Variants in KCNQ5 observed in about 807,000 individuals in gnomAD.
The protein encoded by KCNQ5 is potassium voltage-gated channel subfamily Q member 5, also known as potassium voltage-gated channel subfamily KQT member 5.
In KCNQ5, 30 loss-of-function variants were observed where a neutral mutation model predicts 98.2. The ratio of observed to expected loss-of-function variants is 0.31; its 90% confidence interval spans 0.23 to 0.41. The LOEUF is 0.41. Among genes scored for constraint, KCNQ5 ranks in the 10% least tolerant of loss-of-function variants. KCNQ5 has a pLI of 1.00. For synonymous variants in KCNQ5, 458 were observed against 449.4 expected (o/e 1.02, Z -0.24); for missense variants, 835 against 1,182.5 (o/e 0.71, Z 4.31).
At chr6:73,079,873 A>G (rs1313709311) in intron 5 of KCNQ5, among the ~76,000 whole-genome samples, 1 of 152,244 alleles carries the variant, frequency 6.6e-6, no homozygotes. Flanking sequence ...AGCAAGGGGA[A>G]GACAGTTTAT....
chr6:73,120,424 T>C, intron 7 of KCNQ5, 59 bp from the exon 8 acceptor site: 1 of 1,235,796 alleles, frequency 8.1e-7, no homozygotes, highest in South Asian at 1.3e-5. Flanking sequence ...CTCTTTTTAT[T>C]TTATTCTAAA....
intron 1 of KCNQ5, among the ~76,000 whole-genome samples, chr6:72,929,263 T>A (rs1274575662): frequency 6.6e-6 from 1 of 152,076 alleles, no homozygotes; most frequent in Admixed American, 6.6e-5. Flanking sequence ...GCCATGTTGA[T>A]GTGGATGAAG....
chr6:72,751,483 G>A (rs1361501815), intron 1 of KCNQ5, among the ~76,000 whole-genome samples: 3 of 151,900 alleles, frequency 2.0e-5, no homozygotes, highest in Non-Finnish European at 4.4e-5. Context: ...TTATTAAAAA[G>A]GAGAAATGTA....
chr6:72,777,538 A>G (rs1773220868), intron 1 of KCNQ5, among the ~76,000 whole-genome samples: 1 of 152,106 alleles, frequency 6.6e-6, no homozygotes. Flanking sequence ...ACGTTTACAC[A>G]TTTTTCCACC....
chr6:73,134,751 A>G (rs117158093), intron 10 of KCNQ5: 1,607 of 152,506 alleles, frequency 0.011, 15 homozygotes, highest in Non-Finnish European at 0.014. Flanking sequence ...CAGGTCCCAT[A>G]TGGGCGCAAG....
At chr6:72,825,138 A>AAAC (rs935105930) in intron 1 of KCNQ5, among the ~76,000 whole-genome samples, 2 of 152,006 alleles carry the variant, frequency 1.3e-5, no homozygotes, top group African/African-American at 4.8e-5. Context: ...AAACAAAACA[A>AAAC]AACAACAACA....
At chr6:72,766,280 G>T (rs879437947) in intron 1 of KCNQ5, among the ~76,000 whole-genome samples, 14 of 152,082 alleles carry the variant, frequency 9.2e-5, no homozygotes, top group Admixed American at 4.6e-4. Context: ...GAGACAAATG[G>T]CAAGAGTTTA....
chr6:72,764,844 C>A (rs1331306361), intron 1 of KCNQ5, among the ~76,000 whole-genome samples: 1 of 151,864 alleles, frequency 6.6e-6, no homozygotes, highest in Non-Finnish European at 1.5e-5. Flanking sequence ...ATTTTTAGAT[C>A]CCAAACAAGT....
In KCNQ5 at chr6:72,765,431, G is replaced by A. The variant is rs375299559; in HGVS notation, c.398+142844G>A. 1.9e-4 allele frequency among the ~76,000 whole-genome samples: 29 copies of A among 152,134 alleles called. No homozygotes were observed. The East Asian group carries it at 4.6e-3, about 24-fold the overall frequency. On this transcript the variant is annotated intron_variant, in intron 1 of 13. Coordinates refer to ENST00000370398, the MANE Select transcript of KCNQ5 (RefSeq NM_019842.4). The stretch of plus-strand genomic sequence containing the variant: ...AGAGCAATGAGTCAAAATGACCAAC[G>A]TCTACTTTACACTGGGTGGTCAGGA...
chr6:72,926,255 T>G (rs542960833), intron 1 of KCNQ5, among the ~76,000 whole-genome samples: 39 of 152,262 alleles, frequency 2.6e-4, no homozygotes, highest in African/African-American at 7.2e-4. Context: ...AAAACTGACT[T>G]TAAAAGGTTA....
At chr6:73,112,939 T>C (rs905794785) in intron 7 of KCNQ5, among the ~76,000 whole-genome samples, 1 of 146,978 alleles carries the variant, frequency 6.8e-6, no homozygotes, top group Non-Finnish European at 1.5e-5. Flanking sequence ...TGAGAATCTC[T>C]ATTTTTTTAC....
At chr6:73,162,894 G>A (rs947275173) in intron 10 of KCNQ5, among the ~76,000 whole-genome samples, 1 of 152,062 alleles carries the variant, frequency 6.6e-6, no homozygotes, top group African/African-American at 2.4e-5. Context: ...GAAGTTCATT[G>A]ACGTGTCTAA....
chr6:72,892,622 A>G (rs1047174653), intron 1 of KCNQ5, among the ~76,000 whole-genome samples: 2 of 152,136 alleles, frequency 1.3e-5, no homozygotes, highest in Admixed American at 1.3e-4. Flanking sequence ...AACAGGAAAC[A>G]AAGCTCCTTC....
At chr6:72,640,267 C>T (rs1266313071) in intron 1 of KCNQ5, among the ~76,000 whole-genome samples, 6 of 151,552 alleles carry the variant, frequency 4.0e-5, no homozygotes, top group Admixed American at 2.6e-4. Flanking sequence ...CCCCTCCAAG[C>T]ACCAACCATC....
At chr6:73,066,659 T>C (rs1362432812) in intron 3 of KCNQ5, among the ~76,000 whole-genome samples, 1 of 152,168 alleles carries the variant, frequency 6.6e-6, no homozygotes, top group Non-Finnish European at 1.5e-5. Flanking sequence ...AAAGGATCCT[T>C]GAGACTTGCC....
At chr6:72,737,782 T>A (rs915975309) in intron 1 of KCNQ5, among the ~76,000 whole-genome samples, 6 of 152,166 alleles carry the variant, frequency 3.9e-5, no homozygotes, top group African/African-American at 1.4e-4. Context: ...ATGAAACTTG[T>A]CTCAGTTTTA....
intron 1 of KCNQ5, among the ~76,000 whole-genome samples, chr6:72,751,889 G>C (rs1473423591): frequency 6.6e-6 from 1 of 152,118 alleles, no homozygotes. Context: ...CTGTAAGTAA[G>C]TGATTTTTAA....
intron 1 of KCNQ5, among the ~76,000 whole-genome samples, chr6:72,751,673 T>C (rs1011864021): frequency 3.3e-5 from 5 of 152,044 alleles, no homozygotes; most frequent in African/African-American, 9.7e-5. Context: ...AAATAAATTA[T>C]TAAAAAGCAG....
intron 1 of KCNQ5, among the ~76,000 whole-genome samples, chr6:72,744,325 A>G (rs1355456745): frequency 1.3e-5 from 2 of 152,232 alleles, no homozygotes; most frequent in East Asian, 3.8e-4. Flanking sequence ...TTGCCTTGCA[A>G]TGGTAAGGAG....
Sources: gnomAD v4.1 joint callset for allele counts (sites outside exome capture counted in the v4.1 genomes callset) on GRCh38, gnomAD v4.1.1 for gene constraint, MANE v1.5 for transcripts, NCBI Gene and HGNC (gene_info 2026-07-23, HGNC 2026-07-21) for gene names.